The following BCAS3 variants were observed in gnomAD, a reference collection of about 807,000 sequenced individuals.
The protein encoded by BCAS3 is BCAS4/BCAS3 fusion.
Under a neutral mutation model 116.1 loss-of-function variants are expected in BCAS3, and 53 were observed. The ratio of observed to expected loss-of-function variants is 0.46; its 90% CI spans 0.37 to 0.57. BCAS3 has a LOEUF of 0.57. Ranked by LOEUF, BCAS3 falls within the 20% of genes least tolerant of loss-of-function variation. The pLI is 0.00. For missense variants in BCAS3, 917 were observed against 1,165.4 expected, an observed-to-expected ratio of 0.79 and a Z score of 3.10; for synonymous variants, 391 against 408.2, an observed-to-expected ratio of 0.96 and a Z score of 0.51.
At chr17:60,737,825 T>G (rs2041129979) in intron 5 of BCAS3, among the ~76,000 whole-genome samples, 2 of 152,144 alleles carry the variant, frequency 1.3e-5, no homozygotes, top group African/African-American at 4.8e-5. Flanking sequence ...TCACTCTTGT[T>G]GCCTGGGCTG....
At chr17:61,288,794 G>A (rs7215879) in intron 22 of BCAS3, among the ~76,000 whole-genome samples, 22,561 of 152,224 alleles carry the variant, frequency 0.15, 1,762 homozygotes, top group Middle Eastern at 0.2. Context: ...AGCCATGGGC[G>A]AAAGGGCTGT....
intron 13 of BCAS3, among the ~76,000 whole-genome samples, chr17:60,938,905 C>G (rs2060084454): frequency 6.6e-6 from 1 of 152,046 alleles, no homozygotes; most frequent in South Asian, 2.1e-4. Flanking sequence ...TGTGAGAATA[C>G]CAATTGAAAT....
intron 7 of BCAS3, among the ~76,000 whole-genome samples, chr17:60,838,281 A>G (rs2051554405): frequency 6.6e-6 from 1 of 152,212 alleles, no homozygotes; most frequent in Non-Finnish European, 1.5e-5. Flanking sequence ...ATGGAAATAA[A>G]ATGACTTCAT....
At chr17:60,905,608 T>C (rs1398585467) in intron 11 of BCAS3, among the ~76,000 whole-genome samples, 1 of 152,178 alleles carries the variant, frequency 6.6e-6, no homozygotes, top group African/African-American at 2.4e-5. Context: ...TATTATGACT[T>C]GAGTCCTTGT....
At chr17:61,266,961 C>T (rs973695148) in intron 22 of BCAS3, among the ~76,000 whole-genome samples, 2 of 152,314 alleles carry the variant, frequency 1.3e-5, no homozygotes, top group Admixed American at 1.3e-4. Context: ...AAAGGGTACC[C>T]TCCATACTTT....
rs2076079256 is a variant in BCAS3, at chr17:61,126,992, A to C, written c.2425+42428A>C. On this transcript the variant is annotated intron_variant, in intron 22 of 23. Transcript: ENST00000407086. The surrounding 1 kb of genome is among the most constrained non-coding windows in gnomAD (Gnocchi z 4.6). ...ATACACCCTTCGTCACAGGCACTTAAGTTTTAGATTGCATTTAAATTAGGA... is the reference window on the plus strand; with the variant it reads ...ATACACCCTTCGTCACAGGCACTTACGTTTTAGATTGCATTTAAATTAGGA... Among the ~76,000 whole-genome samples the C allele has an allele frequency of 6.6e-6, 1 of 152,184 alleles. No homozygotes were observed. The highest frequency in any genetic ancestry group is 2.4e-5 in the African/African-American group (1 of 41,442).
At chr17:61,216,793 C>T (rs1461052888) in intron 22 of BCAS3, among the ~76,000 whole-genome samples, 1 of 151,792 alleles carries the variant, frequency 6.6e-6, no homozygotes, top group African/African-American at 2.4e-5. Flanking sequence ...CCACCCACCT[C>T]AGCCTCCCAA....
At position 61,200,940 on chromosome 17, in the gene BCAS3, G is replaced by T. The variant is rs557490703; in HGVS notation, c.2425+116376G>T. Among the ~76,000 whole-genome samples, 46 of 152,062 alleles carry T rather than the reference G, an allele frequency of 3.0e-4. No homozygotes were observed. The highest frequency in any genetic ancestry group is 3.4e-4 in the Non-Finnish European group (23 of 68,002). ...AAGTTAGCAGCCCTGAGTCAGGACA[G>T]GTGTTTATTTTTAATTCATACTCAG... On this transcript the variant is annotated intron_variant, in intron 22 of 23. Transcript: ENST00000407086. This position sits in a 1 kb window ranked among gnomAD's most constrained non-coding sequence, Gnocchi z 5.1.
rs976134038 is a variant in BCAS3 at position 61,256,229 on chromosome 17, C to T, written c.2426-112098C>T. On this transcript the variant is annotated intron_variant, in intron 22 of 23. Transcript: ENST00000407086. This position sits in a 1 kb window ranked among gnomAD's most constrained non-coding sequence, Gnocchi z 5.6. Reference sequence around the variant, plus strand: ...CTGGGGTTGTCAAGCCTTCCATCTTCAAGCCAAGAGGTAGTTTGGTTTTTG... The same window carrying T: ...CTGGGGTTGTCAAGCCTTCCATCTTTAAGCCAAGAGGTAGTTTGGTTTTTG... 2.0e-5 allele frequency among the ~76,000 whole-genome samples: 3 copies of T among 152,054 alleles called. No homozygotes were observed. The highest frequency in any genetic ancestry group is 7.2e-5 in the African/African-American group (3 of 41,420).
chr17:61,139,257 T>A lies in BCAS3; in HGVS notation c.2425+54693T>A, dbSNP rs935557606. Among the ~76,000 whole-genome samples the A allele has an allele frequency of 6.6e-6, 1 of 152,244 alleles. No homozygotes were observed. Among genetic ancestry groups the A allele is most frequent in the African/African-American group, 2.4e-5 (1 of 41,462 alleles). On this transcript the variant is annotated intron_variant, in intron 22 of 23. Coordinates refer to ENST00000407086, the MANE Select transcript of BCAS3 (RefSeq NM_017679.5). The surrounding 1 kb of genome is among the most constrained non-coding windows in gnomAD (Gnocchi z 4.7). ...GATCTAATCTAAAAAGTTGGAGGACTTAAAAAGAAAGTGTGAAGATTTTTT... is the reference window on the plus strand; with the variant it reads ...GATCTAATCTAAAAAGTTGGAGGACATAAAAAGAAAGTGTGAAGATTTTTT...
rs898782246 is a variant in BCAS3 at position 61,279,305 on chromosome 17, CT to C, written c.2426-89011del. Among the ~76,000 whole-genome samples, 60 of 146,902 alleles carry C rather than the reference CT, an allele frequency of 4.1e-4. 1 individual carries two copies. Among genetic ancestry groups the C allele is most frequent in the East Asian group, 5.9e-4 (3 of 5,046 alleles). ...TTAGGTGAATTATATCTCAATAAAT[CT>C]TTTTTTTTTTAAGGCAGCCTAGGTC... On this transcript the variant is annotated intron_variant, in intron 22 of 23. Transcript: ENST00000407086. The surrounding 1 kb of genome is among the most constrained non-coding windows in gnomAD (Gnocchi z 4.4).
At chr17:60,719,359 T>G (rs552456299) in intron 5 of BCAS3, among the ~76,000 whole-genome samples, 115 of 152,358 alleles carry the variant, frequency 7.5e-4, no homozygotes, top group African/African-American at 2.7e-3. Context: ...GTATATAGTT[T>G]ACAGAAGTAT....
rs2081661954 is a variant in BCAS3, at chr17:61,214,548, G to A, written c.2425+129984G>A. 6.6e-6 allele frequency among the ~76,000 whole-genome samples: 1 copy of A among 151,616 alleles called. No homozygotes were observed. The highest frequency in any genetic ancestry group is 2.4e-5 in the African/African-American group (1 of 41,248). The stretch of plus-strand genomic sequence containing the variant: ...AAATACCAAAAAAAAAAAATTAGCT[G>A]GGCGTGGCGGCGGGCGCCTGTAGTC... On this transcript the variant is annotated intron_variant, in intron 22 of 23. Transcript: ENST00000407086. The surrounding 1 kb of genome is among the most constrained non-coding windows in gnomAD (Gnocchi z 4.4).
At chr17:60,833,708 C>T (rs1402473790) in intron 7 of BCAS3, among the ~76,000 whole-genome samples, 1 of 152,166 alleles carries the variant, frequency 6.6e-6, no homozygotes, top group Admixed American at 6.5e-5. Flanking sequence ...AAACTTTAAT[C>T]AGTGGTAAGG....
intron 6 of BCAS3, among the ~76,000 whole-genome samples, chr17:60,752,613 C>T (rs11658304): frequency 0.73 from 110,368 of 151,612 alleles, 45,867 homozygotes; most frequent in South Asian, 0.98. Flanking sequence ...TTAGTAGAGA[C>T]GGGGTTTCAC....
chr17:60,989,880 C>G, intron 14 of BCAS3, 91 bp from the exon 15 acceptor site: 1 of 1,358,440 alleles, frequency 7.4e-7, no homozygotes, highest in Non-Finnish European at 1.0e-6. Flanking sequence ...ATGAGGCAAT[C>G]ATTTATATTC....
intron 22 of BCAS3, among the ~76,000 whole-genome samples, chr17:61,187,656 T>C (rs11652263): frequency 0.71 from 107,763 of 152,026 alleles, 39,221 homozygotes; most frequent in South Asian, 0.87. Context: ...GCGTGTCACT[T>C]GTCATTAGCA....
At chr17:60,965,473 G>T (rs535247350) in intron 14 of BCAS3, among the ~76,000 whole-genome samples, 1 of 151,746 alleles carries the variant, frequency 6.6e-6, no homozygotes, top group African/African-American at 2.4e-5. Context: ...CTGCCCCCTC[G>T]GCTTACCAAA....
intron 15 of BCAS3, among the ~76,000 whole-genome samples, chr17:61,003,585 A>C (rs2064433936): frequency 6.6e-6 from 1 of 151,796 alleles, no homozygotes; most frequent in Non-Finnish European, 1.5e-5. Context: ...TGAGCCACCA[A>C]GCCCATCTGG....
Sources: gnomAD v4.1 joint callset for allele counts (sites outside exome capture counted in the v4.1 genomes callset) on GRCh38, gnomAD v4.1.1 for gene constraint, Gnocchi (gnomAD v3.1) non-coding constraint, MANE v1.5 for transcripts, NCBI Gene and HGNC (gene_info 2026-07-23, HGNC 2026-07-21) for gene names.